The following R3HCC1L variants were observed in gnomAD, a reference collection of about 807,000 sequenced individuals.
R3HCC1L encodes R3H domain and coiled-coil containing 1 like.
A neutral mutation model predicts 59.9 loss-of-function variants in R3HCC1L; 51 were observed. The observed-to-expected ratio is 0.85, with a 90% CI of 0.68 to 1.07. The LOEUF is 1.07. Among genes scored for constraint, R3HCC1L ranks in the 50% least tolerant of loss-of-function variants. R3HCC1L has a pLI of 0.00. For missense variants in R3HCC1L, 965 were observed against 933.0 expected (o/e 1.03, Z -0.45); for synonymous variants, 322 against 315.2 (o/e 1.02, Z -0.23).
At chr10:98,189,191 G>T (rs966801071) in intron 4 of R3HCC1L, among the ~76,000 whole-genome samples, 3 of 152,108 alleles carry the variant, frequency 2.0e-5, no homozygotes, top group Non-Finnish European at 4.4e-5. Flanking sequence ...GCCTAGAGTA[G>T]CAATAAGTGA....
intron 4 of R3HCC1L, among the ~76,000 whole-genome samples, chr10:98,170,186 TA>T (rs1462874920): frequency 1.3e-5 from 2 of 152,170 alleles, no homozygotes; most frequent in African/African-American, 4.8e-5. Context: ...ATAATACTGC[TA>T]TAATGGTGGT....
chr10:98,151,937 GTCTCCC>G (rs1200963541), intron 1 of R3HCC1L, among the ~76,000 whole-genome samples: 1 of 151,750 alleles, frequency 6.6e-6, no homozygotes, highest in Admixed American at 6.6e-5. Context: ...TCTCCCCACG[GTCTCCC>G]TCTCCCTCTC....
At chr10:98,151,124 T>C (rs1472611844) in intron 1 of R3HCC1L, among the ~76,000 whole-genome samples, 1 of 152,226 alleles carries the variant, frequency 6.6e-6, no homozygotes, top group African/African-American at 2.4e-5. Flanking sequence ...TTCTGGGATA[T>C]TGCTTGTGAT....
At chr10:98,215,532 T>C (rs1420132812) in intron 5 of R3HCC1L, among the ~76,000 whole-genome samples, 2 of 152,216 alleles carry the variant, frequency 1.3e-5, no homozygotes, top group African/African-American at 2.4e-5. Context: ...CCACTGATAT[T>C]GATGCTTTTC....
At chr10:98,195,593 AC>A (rs66925115) in intron 4 of R3HCC1L, among the ~76,000 whole-genome samples, 47,128 of 150,398 alleles carry the variant, frequency 0.31, 7,530 homozygotes, top group East Asian at 0.46. Flanking sequence ...TAAAATACAC[AC>A]AAAAAAAAAC....
In R3HCC1L at chr10:98,243,990, C is replaced by G. The variant is rs139361411; in HGVS notation, c.2270-101C>G. On this transcript the variant is annotated intron_variant, in intron 9 of 9. Coordinates refer to ENST00000298999, the MANE Select transcript of R3HCC1L (RefSeq NM_001351015.2). The stretch of plus-strand genomic sequence containing the variant: ...ATCAGGTAAGAGAGACCAGGATATC[C>G]ACTTGTCTCATGACTAAAGTTTGCC... 1.7e-4 allele frequency: 158 copies of G among 935,426 alleles called. No individual in the cohort carries two copies. The East Asian group carries it at 3.4e-3, about 20-fold the overall frequency. 57.9% of individuals were successfully genotyped at this position (935,426 alleles called of 1,614,324 possible). A position where few individuals can be genotyped will look rare whatever the true frequency, so the allele number is the denominator to read the frequency against.
At chr10:98,243,007 G>A (rs1857709455) in intron 9 of R3HCC1L, among the ~76,000 whole-genome samples, 1 of 152,180 alleles carries the variant, frequency 6.6e-6, no homozygotes, top group Non-Finnish European at 1.5e-5. Flanking sequence ...GCTATATTCA[G>A]ATAATGCCAC....
chr10:98,207,087 T>C (rs1467661488), intron 4 of R3HCC1L, among the ~76,000 whole-genome samples: 1 of 152,164 alleles, frequency 6.6e-6, no homozygotes, highest in Admixed American at 6.5e-5. Context: ...TGCGTTAGCC[T>C]TTTTTCCTCT....
rs774762622 is a variant in R3HCC1L at position 98,209,899 on chromosome 10, G to C, written c.1785G>C (p.Glu595Asp). ...GDCLDPRLLQELSGNTKSRES... is the reference protein window; with the variant it reads ...GDCLDPRLLQDLSGNTKSRES... ...GCCTGGATCCACGTCTTCTACAAGA[G>C]GTATGTTTAATTGAAATTGCTTGAT... The change falls in exon 5 of 10, where the codon GAG (glutamate) becomes GAC (aspartate). Residue 595 changes from glutamate (E) to aspartate (D), a missense_variant and splice_region_variant. Physicochemically the swap from Glu to Asp is conservative, Grantham distance 45. Coordinates refer to ENST00000298999, the MANE Select transcript of R3HCC1L (RefSeq NM_001351015.2). 4 of 1,600,264 alleles carry C rather than the reference G, an allele frequency of 2.5e-6. No individual in the cohort carries two copies. Among genetic ancestry groups the C allele is most frequent in the Non-Finnish European group, 3.4e-6 (4 of 1,171,140 alleles).
chr10:98,163,123 C>T (rs893201039), intron 3 of R3HCC1L, 148 bp downstream of exon 3: 1 of 288,658 alleles, frequency 3.5e-6, no homozygotes, highest in Non-Finnish European at 6.4e-6. Flanking sequence ...GGTTGATGAG[C>T]TTCTAAAAAG....
At chr10:98,210,589 G>A (rs1434432354) in intron 5 of R3HCC1L, among the ~76,000 whole-genome samples, 1 of 152,150 alleles carries the variant, frequency 6.6e-6, no homozygotes, top group Non-Finnish European at 1.5e-5. Context: ...CTGGTTTTAA[G>A]TAGTAGAACA....
At chr10:98,234,336 A>T in intron 6 of R3HCC1L, 110 bp from the exon 7 acceptor site, 1 of 932,484 alleles carries the variant, frequency 1.1e-6, no homozygotes, top group South Asian at 1.4e-5. Flanking sequence ...CCACCTGTGC[A>T]CTCGTTGAGT....
At chr10:98,224,078 C>T (rs192544074) in intron 5 of R3HCC1L, among the ~76,000 whole-genome samples, 1 of 151,998 alleles carries the variant, frequency 6.6e-6, no homozygotes, top group Non-Finnish European at 1.5e-5. Flanking sequence ...CAGGCTAATC[C>T]CTAGCCCTCA....
At chr10:98,186,331 T>A (rs1850220213) in intron 4 of R3HCC1L, 1 of 190,210 alleles carries the variant, frequency 5.3e-6, no homozygotes, top group African/African-American at 2.4e-5. Context: ...TTTGGCTTAT[T>A]GGTATATAAA....
chr10:98,193,012 A>C (rs2134895787), intron 4 of R3HCC1L, among the ~76,000 whole-genome samples: 1 of 152,322 alleles, frequency 6.6e-6, no homozygotes, highest in Non-Finnish European at 1.5e-5. Flanking sequence ...ATACAATATT[A>C]ACAACTGAGG....
At chr10:98,165,345 G>A (rs929990042) in intron 4 of R3HCC1L, among the ~76,000 whole-genome samples, 1 of 152,160 alleles carries the variant, frequency 6.6e-6, no homozygotes, top group African/African-American at 2.4e-5. Flanking sequence ...TAAAACTTTT[G>A]AGGAGACTAG....
At chr10:98,167,659 T>C (rs1019960287) in intron 4 of R3HCC1L, among the ~76,000 whole-genome samples, 1 of 152,246 alleles carries the variant, frequency 6.6e-6, no homozygotes, top group Non-Finnish European at 1.5e-5. Context: ...GATATGTGTT[T>C]TAGTCTTACA....
intron 5 of R3HCC1L, among the ~76,000 whole-genome samples, chr10:98,221,259 A>T (rs921585169): frequency 2.6e-5 from 4 of 151,512 alleles, no homozygotes; most frequent in African/African-American, 9.7e-5. Flanking sequence ...GTTTGAGTTC[A>T]TTGTAGATTC....
chr10:98,148,462 C>T (rs572698949), intron 1 of R3HCC1L, among the ~76,000 whole-genome samples: 12 of 152,072 alleles, frequency 7.9e-5, no homozygotes, highest in Non-Finnish European at 1.3e-4. Context: ...TTGTCTTGTT[C>T]CAGATTTTAG....
Sources: allele counts gnomAD v4.1 joint callset (sites outside exome capture counted in the v4.1 genomes callset), GRCh38; gene constraint gnomAD v4.1.1; transcripts MANE v1.5; gene names NCBI Gene and HGNC (gene_info 2026-07-23, HGNC 2026-07-21).